ABRA: variants seen among roughly 807,000 people sequenced by gnomAD.
ABRA encodes actin-binding Rho-activating protein.
Under a neutral mutation model 33.4 loss-of-function variants are expected in ABRA, and 25 were observed. The observed-to-expected ratio is 0.75, with a 90% CI of 0.55 to 1.04. The LOEUF is 1.04. Among genes scored for constraint, ABRA ranks in the 50% least tolerant of loss-of-function variants. ABRA has a pLI of 0.00. For synonymous variants in ABRA, 193 were observed against 176.8 expected (o/e 1.09, Z -0.73); for missense variants, 501 against 491.7 (o/e 1.02, Z -0.18).
At chr8:106,765,862 G>A (rs926622772) in intron 1 of ABRA, among the ~76,000 whole-genome samples, 1 of 152,174 alleles carries the variant, frequency 6.6e-6, no homozygotes, top group African/African-American at 2.4e-5. Flanking sequence ...GGAGTCATTA[G>A]GATTTCACTA....
chr8:106,768,727 G>T (rs1161417919), intron 1 of ABRA, among the ~76,000 whole-genome samples: 1 of 152,142 alleles, frequency 6.6e-6, no homozygotes, highest in Non-Finnish European at 1.5e-5. Flanking sequence ...TCAGCCTCAT[G>T]GGTTAAAGCC....
chr8:106,761,256 T>C lies in ABRA; in HGVS notation c.927A>G (p.Glu309=), dbSNP rs1395929035. 6 of 1,614,108 alleles carry C rather than the reference T, an allele frequency of 3.7e-6. No homozygotes were observed. Among genetic ancestry groups the C allele is most frequent in the Non-Finnish European group, 5.1e-6 (6 of 1,180,038 alleles). The change falls in exon 2 of 2, where the codon GAA becomes GAG. Residue 309 remains glutamate, a synonymous_variant. Transcript: ENST00000311955. ...AKRAEEHIYR[E]MMDMCFIICT... The stretch of plus-strand genomic sequence containing the variant: ...AGATAATGAAGCACATGTCCATCAT[T>C]TCCCTGTAGATGTGCTCCTCAGCAC...
In ABRA at chr8:106,760,941, T is replaced by C. The variant is rs1005215968; in HGVS notation, c.*96A>G. 3.6e-6 allele frequency: 4 copies of C among 1,097,560 alleles called. No homozygotes were observed. The highest frequency in any genetic ancestry group is 2.2e-5 in the Admixed American group (1 of 44,476). The allele number at this position is 1,097,560 out of a possible 1,614,324, so 68.0% of individuals were successfully genotyped here. ...TATGTAAAAATTGTTTAATATTTAC[T>C]AACTTATTACAGAGAGTTTGCATTT... On this transcript the variant is annotated 3_prime_UTR_variant, in exon 2 of 2. Transcript: ENST00000311955.
At chr8:106,768,931 C>G (rs896420412) in intron 1 of ABRA, among the ~76,000 whole-genome samples, 1 of 152,168 alleles carries the variant, frequency 6.6e-6, no homozygotes, top group African/African-American at 2.4e-5. Context: ...CCACTGCGCC[C>G]AGCTGATGAA....
In ABRA at chr8:106,760,913, G is replaced by T; in HGVS notation, c.*124C>A. 1 of 892,514 alleles carries T rather than the reference G, an allele frequency of 1.1e-6. No individual in the cohort carries two copies. Among genetic ancestry groups the T allele is most frequent in the Non-Finnish European group, 1.7e-6 (1 of 574,080 alleles). The allele number at this position is 892,514 out of a possible 1,614,324, so 55.3% of individuals were successfully genotyped here. On this transcript the variant is annotated 3_prime_UTR_variant, in exon 2 of 2. Transcript: ENST00000311955. ...GATAGAAATAGAATGCCAGAAAGTC[G>T]TTTATGTAAAAATTGTTTAATATTT...
chr8:106,761,369 C>G lies in ABRA; in HGVS notation c.814G>C (p.Glu272Gln). Residue 272 changes from glutamate to glutamine, a missense_variant, in exon 2 of 2, where the codon GAG becomes CAG. Glu to Gln is a conservative substitution (Grantham distance 29, BLOSUM62 2). Coordinates refer to ENST00000311955, the MANE Select transcript of ABRA (RefSeq NM_139166.5). ...TGTAGGCGGGTGGACATGGCCAGCT[C>G]GTAATCAAACTCTTCACTGAAAGGA... ...LNPFSEEFDY[E>Q]LAMSTRLHKG... is the part of the protein sequence containing the mutation. The G allele has an allele frequency of 1.2e-6, 2 of 1,614,072 alleles. No individual in the cohort carries two copies. The highest frequency in any genetic ancestry group is 1.1e-5 in the South Asian group (1 of 91,072).
Position 106,770,228 on chromosome 8 carries a change from C to G in ABRA, c.-38G>C. On this transcript the variant is annotated 5_prime_UTR_variant, in exon 1 of 2. Coordinates refer to ENST00000311955, the MANE Select transcript of ABRA (RefSeq NM_139166.5). Reference sequence around the variant, plus strand: ...TCTTTCTCTGCTGATAGCCTGGACACTGGCTAAAATGAGTGTGGTCCAGTG... The same window carrying G: ...TCTTTCTCTGCTGATAGCCTGGACAGTGGCTAAAATGAGTGTGGTCCAGTG... 1 of 1,571,026 alleles carries G rather than the reference C, an allele frequency of 6.4e-7. No homozygotes were observed. The highest frequency in any genetic ancestry group is 1.3e-5 in the African/African-American group (1 of 74,372).
chr8:106,770,006 G>A lies in ABRA; in HGVS notation c.185C>T (p.Ala62Val), dbSNP rs747231998. ...AGTAGGGGGTGTGATTGGTTTAGGA[G>A]CTTGAGGTGAGTCCTGGGTCCCTCC... is the stretch of plus-strand genomic sequence containing the variant. Reference protein sequence around the residue: ...LPGGTQDSPQAPKPITPPTSH... With the variant: ...LPGGTQDSPQVPKPITPPTSH... Residue 62 changes from alanine (A) to valine (V), a missense_variant, in exon 1 of 2, where the codon GCT (alanine) becomes GTT (valine). Transcript: ENST00000311955. 9.3e-6 allele frequency: 15 copies of A among 1,613,928 alleles called. No homozygotes were observed. The highest frequency in any genetic ancestry group is 1.2e-5 in the Non-Finnish European group (14 of 1,180,008).
chr8:106,760,977 T>C lies in ABRA; in HGVS notation c.*60A>G. ...AGAGAGTTTGCATTTTCATTTTACC[T>C]ACATGAGCATTTAGCATTAAGACCA... On this transcript the variant is annotated 3_prime_UTR_variant, in exon 2 of 2. Transcript: ENST00000311955. 1.4e-6 allele frequency: 2 copies of C among 1,435,850 alleles called. No individual in the cohort carries two copies. The highest frequency in any genetic ancestry group is 1.9e-6 in the Non-Finnish European group (2 of 1,041,332). 88.9% of individuals were successfully genotyped at this position (1,435,850 alleles called of 1,614,324 possible).
intron 1 of ABRA, 122 bp downstream of exon 1, chr8:106,769,401 G>T: frequency 2.2e-6 from 3 of 1,355,036 alleles, no homozygotes; most frequent in Non-Finnish European, 2.0e-6. Flanking sequence ...CTCACTGCCT[G>T]TCCAGTCTTT....
In ABRA at chr8:106,761,193, C is replaced by T. The variant is rs746206328; in HGVS notation, c.990G>A (p.Gln330=). The change falls in exon 2 of 2, where the codon CAG becomes CAA. Residue 330 remains glutamine (Q), a synonymous_variant. Coordinates refer to ENST00000311955, the MANE Select transcript of ABRA (RefSeq NM_139166.5). ...TGTCAAAGAGATCTCCAAAAGTAAC[C>T]TGGATCTTGCCATCTCGTCTGTGGC... is the stretch of plus-strand genomic sequence containing the variant. ...MARHRRDGKI[Q]VTFGDLFDRY... is the part of the protein sequence containing the mutation. 1.9e-6 allele frequency: 3 copies of T among 1,614,098 alleles called. No homozygotes were observed. The highest frequency in any genetic ancestry group is 2.7e-5 in the African/African-American group (2 of 74,934).
intron 1 of ABRA, among the ~76,000 whole-genome samples, chr8:106,767,421 T>A (rs1836239224): frequency 1.3e-5 from 2 of 152,204 alleles, no homozygotes; most frequent in Non-Finnish European, 2.9e-5. Flanking sequence ...TTCCTCATGT[T>A]CGGATAGCAT....
Position 106,762,392 on chromosome 8 carries a change from T to C in ABRA, c.669-878A>G, listed in dbSNP as rs139595661. Among the ~76,000 whole-genome samples, 42 of 152,328 alleles carry C rather than the reference T, an allele frequency of 2.8e-4. No individual in the cohort carries two copies. The East Asian group carries it at 2.9e-3, about 11-fold the overall frequency. On this transcript the variant is annotated intron_variant, in intron 1 of 1. Transcript: ENST00000311955. ...TCTTTCTACTATGTAGTGATGCCACTCAGCAGGCCCATACAGTGTCTAATA... is the reference window on the plus strand; with the variant it reads ...TCTTTCTACTATGTAGTGATGCCACCCAGCAGGCCCATACAGTGTCTAATA...
At chr8:106,765,928 G>A (rs1366342626) in intron 1 of ABRA, among the ~76,000 whole-genome samples, 2 of 152,166 alleles carry the variant, frequency 1.3e-5, no homozygotes, top group African/African-American at 2.4e-5. Flanking sequence ...TCTACTAAGA[G>A]GGACAGTCTA....
intron 1 of ABRA, among the ~76,000 whole-genome samples, chr8:106,768,577 A>C (rs1019751637): frequency 3.3e-5 from 5 of 152,196 alleles, no homozygotes; most frequent in African/African-American, 1.2e-4. Flanking sequence ...TCCCAATACA[A>C]TAGAACTTCT....
Position 106,770,117 on chromosome 8 carries a change from A to G in ABRA, c.74T>C (p.Leu25Pro). The part of the protein sequence containing the change: ...SALRKIRTAT[L>P]VISLARGWQQ... ...CCAACCTCGGGCCAAGCTGATGACCAGGGTGGCTGTGCGTATCTTCCGGAG... is the reference window on the plus strand; with the variant it reads ...CCAACCTCGGGCCAAGCTGATGACCGGGGTGGCTGTGCGTATCTTCCGGAG... The change falls in exon 1 of 2, where the codon CTG (leucine) becomes CCG (proline). Residue 25 changes from leucine to proline, a missense_variant. Transcript: ENST00000311955. 6.2e-7 allele frequency: 1 copy of G among 1,613,804 alleles called. No individual in the cohort carries two copies. Among genetic ancestry groups the G allele is most frequent in the Non-Finnish European group, 8.5e-7 (1 of 1,179,812 alleles).
Position 106,760,759 on chromosome 8 carries a change from C to T in ABRA, c.*278G>A, listed in dbSNP as rs1405586483. 2 of 366,332 alleles carry T rather than the reference C, an allele frequency of 5.5e-6. No individual in the cohort carries two copies. Among genetic ancestry groups the T allele is most frequent in the Non-Finnish European group, 9.9e-6 (2 of 202,666 alleles). The allele number at this position is 366,332 out of a possible 1,614,324, so 22.7% of individuals were successfully genotyped here. ...CCAGCTTTGGTGACATAAAGAGAAT[C>T]TGTCTCAAAACAAAAACAAAAACAC... On this transcript the variant is annotated 3_prime_UTR_variant, in exon 2 of 2. Coordinates refer to ENST00000311955, the MANE Select transcript of ABRA (RefSeq NM_139166.5).
chr8:106,769,538 C>G lies in ABRA; in HGVS notation c.653G>C (p.Arg218Pro). ...GVQVAVVRIK[R>P]PLPSQVNRFT... is the part of the protein sequence containing the mutation. ...ATTCACTTACTGGGAGGGCAAGGGGCGCTTGATCCTGACCACAGCCACCTG... is the reference window on the plus strand; with the variant it reads ...ATTCACTTACTGGGAGGGCAAGGGGGGCTTGATCCTGACCACAGCCACCTG... The change falls in exon 1 of 2, where the codon CGC becomes CCC. Residue 218 changes from arginine (R) to proline (P), a missense_variant. Coordinates refer to ENST00000311955, the MANE Select transcript of ABRA (RefSeq NM_139166.5). 6.2e-7 allele frequency: 1 copy of G among 1,612,876 alleles called. No homozygotes were observed. The highest frequency in any genetic ancestry group is 8.5e-7 in the Non-Finnish European group (1 of 1,179,360).
In ABRA at chr8:106,770,241, G is replaced by A. The variant is rs767642416; in HGVS notation, c.-51C>T. ...ATAGCCTGGACACTGGCTAAAATGAGTGTGGTCCAGTGGAGTGCCTGGGAT... is the reference window on the plus strand; with the variant it reads ...ATAGCCTGGACACTGGCTAAAATGAATGTGGTCCAGTGGAGTGCCTGGGAT... On this transcript the variant is annotated 5_prime_UTR_variant, in exon 1 of 2. Transcript: ENST00000311955. 12 of 1,554,614 alleles carry A rather than the reference G, an allele frequency of 7.7e-6. No individual in the cohort carries two copies. The highest frequency in any genetic ancestry group is 1.2e-5 in the South Asian group (1 of 81,704).
Sources: allele counts gnomAD v4.1 joint callset (sites outside exome capture counted in the v4.1 genomes callset), GRCh38; gene constraint gnomAD v4.1.1; transcripts MANE v1.5; gene names NCBI Gene and HGNC (gene_info 2026-07-23, HGNC 2026-07-21).